The following NUMB variants were observed in gnomAD, a reference collection of about 807,000 sequenced individuals.
NUMB encodes NUMB endocytic adaptor protein.
In NUMB, 29 loss-of-function variants were observed where a neutral mutation model predicts 59.7. The ratio of observed to expected loss-of-function variants is 0.49; its 90% confidence interval spans 0.36 to 0.66. The LOEUF (loss-of-function observed/expected upper bound fraction) is 0.66. NUMB is among the 30% of genes least tolerant of loss of function. NUMB has a pLI of 0.00. For synonymous variants in NUMB, 288 were observed against 288.2 expected (o/e 1.00, Z 0.01); for missense variants, 723 against 822.0 (o/e 0.88, Z 1.47).
At chr14:73,304,577 G>C (rs974349183) in intron 6 of NUMB, among the ~76,000 whole-genome samples, 1 of 152,016 alleles carries the variant, frequency 6.6e-6, no homozygotes, top group African/African-American at 2.4e-5. Context: ...CAAAGTATTA[G>C]GATTACAGAT....
intron 6 of NUMB, among the ~76,000 whole-genome samples, chr14:73,309,752 A>ATAATAC (rs1405634832): frequency 1.4e-5 from 2 of 142,506 alleles, no homozygotes; most frequent in Non-Finnish European, 3.0e-5. Context: ...AATAATAATA[A>ATAATAC]TAATAAAAAT....
At chr14:73,349,061 A>G (rs1050867150) in intron 4 of NUMB, among the ~76,000 whole-genome samples, 25 of 152,258 alleles carry the variant, frequency 1.6e-4, no homozygotes, top group Admixed American at 1.6e-3. Context: ...TATTTCTTAA[A>G]CACAATAATC....
At chr14:73,382,144 T>A (rs2140079316) in intron 2 of NUMB, among the ~76,000 whole-genome samples, 1 of 152,340 alleles carries the variant, frequency 6.6e-6, no homozygotes, top group South Asian at 2.1e-4. Flanking sequence ...AGTGCCTTTT[T>A]AAAATTATTA....
At chr14:73,372,920 A>G (rs1049068668) in intron 2 of NUMB, among the ~76,000 whole-genome samples, 3 of 152,052 alleles carry the variant, frequency 2.0e-5, no homozygotes, top group African/African-American at 7.2e-5. Context: ...CTTATCTTTA[A>G]GTGGAGGTGA....
At chr14:73,454,882 A>T (rs1451379268) in intron 1 of NUMB, among the ~76,000 whole-genome samples, 1 of 152,200 alleles carries the variant, frequency 6.6e-6, no homozygotes, top group Non-Finnish European at 1.5e-5. Context: ...TTCTTCCATC[A>T]TTTGGTGTAG....
intron 1 of NUMB, among the ~76,000 whole-genome samples, chr14:73,450,842 G>A (rs781025973): frequency 1.4e-4 from 21 of 150,218 alleles, no homozygotes; most frequent in East Asian, 2.0e-4. Flanking sequence ...TAACAAAGTC[G>A]CTTATATTAA....
intron 3 of NUMB, among the ~76,000 whole-genome samples, chr14:73,365,313 T>C (rs1227236502): frequency 6.6e-6 from 1 of 152,194 alleles, no homozygotes; most frequent in Non-Finnish European, 1.5e-5. Context: ...AGTGCTAAGA[T>C]TACAGGCGTG....
At position 73,276,715 on chromosome 14, in the gene NUMB, G is replaced by A. The variant is rs1308708865; in HGVS notation, c.1819C>T (p.Pro607Ser). The A allele has an allele frequency of 1.2e-6, 2 of 1,614,086 alleles. No homozygotes were observed. The highest frequency in any genetic ancestry group is 1.1e-5 in the South Asian group (1 of 91,084). ...LASADRHTEV[P>S]TGTCPVDPFE... ...GGATCCACTGGGCAGGTGCCTGTAG[G>A]AACCTCTGTATGCCTGTCTGCTGAG... is the stretch of plus-strand genomic sequence containing the variant. Residue 607 changes from proline to serine, a missense_variant, in exon 13 of 13, where the codon CCT becomes TCT. Physicochemically the swap from Pro to Ser is moderately conservative, Grantham distance 74. Coordinates refer to ENST00000555238, the MANE Select transcript of NUMB (RefSeq NM_001005743.2).
chr14:73,418,794 T>C (rs773408561), intron 1 of NUMB, among the ~76,000 whole-genome samples: 7 of 152,008 alleles, frequency 4.6e-5, no homozygotes, highest in Non-Finnish European at 4.4e-5. Context: ...GTAACTTTTA[T>C]GTATATTTTA....
chr14:73,443,334 GCCTGTAATC>G (rs1883206955), intron 1 of NUMB, among the ~76,000 whole-genome samples: 1 of 152,176 alleles, frequency 6.6e-6, no homozygotes, highest in South Asian at 2.1e-4. Flanking sequence ...AGTGGCTCAC[GCCTGTAATC>G]CCAGCACTTT....
At chr14:73,410,428 A>C (rs1896848577) in intron 1 of NUMB, among the ~76,000 whole-genome samples, 1 of 152,222 alleles carries the variant, frequency 6.6e-6, no homozygotes, top group Non-Finnish European at 1.5e-5. Context: ...TTCCAAACTC[A>C]GTGATCATTC....
intron 4 of NUMB, among the ~76,000 whole-genome samples, chr14:73,323,690 C>T (rs1471180993): frequency 6.6e-6 from 1 of 152,122 alleles, no homozygotes. Context: ...CTGAAGAAAT[C>T]ACACATTCCT....
At chr14:73,450,125 A>T (rs1883822170) in intron 1 of NUMB, among the ~76,000 whole-genome samples, 1 of 152,276 alleles carries the variant, frequency 6.6e-6, no homozygotes, top group African/African-American at 2.4e-5. Context: ...ATTAATAATT[A>T]ACAATTACAA....
chr14:73,331,352 T>A (rs150567712), intron 4 of NUMB, among the ~76,000 whole-genome samples: 3,563 of 152,180 alleles, frequency 0.023, 141 homozygotes, highest in African/African-American at 0.081. Flanking sequence ...AAGACCATCC[T>A]GGCTAACACG....
chr14:73,413,107 C>T (rs1356548335), intron 1 of NUMB, among the ~76,000 whole-genome samples: 4 of 151,254 alleles, frequency 2.6e-5, no homozygotes, highest in African/African-American at 9.7e-5. Flanking sequence ...TTTTTTGAGA[C>T]AGAGTCTTGC....
chr14:73,444,966 T>C (rs924414126), intron 1 of NUMB, among the ~76,000 whole-genome samples: 2 of 151,728 alleles, frequency 1.3e-5, no homozygotes, highest in African/African-American at 4.8e-5. Flanking sequence ...AGGGAACAAA[T>C]TGAGAACCAC....
At chr14:73,367,541 C>T (rs1178870885) in intron 2 of NUMB, among the ~76,000 whole-genome samples, 3 of 151,284 alleles carry the variant, frequency 2.0e-5, no homozygotes, top group East Asian at 3.9e-4. Flanking sequence ...CGGGAGGCCT[C>T]GGCAGGACAA....
intron 1 of NUMB, among the ~76,000 whole-genome samples, chr14:73,412,519 C>T (rs60436734): frequency 1.3e-4 from 20 of 150,148 alleles, no homozygotes; most frequent in African/African-American, 3.4e-4. Context: ...CCCAGCTACT[C>T]GGGAGGCTGA....
chr14:73,289,073 T>C (rs1889215715), intron 8 of NUMB, among the ~76,000 whole-genome samples: 1 of 152,112 alleles, frequency 6.6e-6, no homozygotes, highest in South Asian at 2.1e-4. Context: ...AAAGCTTTGC[T>C]GTCTCCCCTT....
Sources: gnomAD v4.1 joint callset for allele counts (sites outside exome capture counted in the v4.1 genomes callset) on GRCh38, gnomAD v4.1.1 for gene constraint, MANE v1.5 for transcripts, NCBI Gene and HGNC (gene_info 2026-07-23, HGNC 2026-07-21) for gene names.